Variants in CDH23 observed in about 807,000 individuals in gnomAD.
CDH23 encodes the protein cadherin related 23, also known as cadherin-23.
A neutral mutation model predicts 317.1 loss-of-function variants in CDH23; 189 were observed. The ratio of observed to expected loss-of-function variants is 0.60; its 90% CI spans 0.53 to 0.67. The LOEUF is 0.67. CDH23 is among the 30% of genes least tolerant of loss of function. The probability of loss-of-function intolerance (pLI) is 0.00; values close to 1 mark genes in which losing one functional copy is unlikely to be tolerated. For missense variants in CDH23, 4,401 were observed against 4,592.4 expected (o/e 0.96, Z 1.20); for synonymous variants, 1,839 against 1,876.8 (o/e 0.98, Z 0.52).
intron 55 of CDH23, among the ~76,000 whole-genome samples, chr10:71,805,124 G>A (rs1300169173): frequency 2.6e-5 from 4 of 152,142 alleles, no homozygotes; most frequent in African/African-American, 9.7e-5. Context: ...GCAAAGAAAC[G>A]TGCCCTTTCT....
intron 14 of CDH23, among the ~76,000 whole-genome samples, chr10:71,658,198 T>C (rs1280411169): frequency 6.6e-6 from 1 of 152,128 alleles, no homozygotes; most frequent in African/African-American, 2.4e-5. Context: ...TCTAAATATC[T>C]GTCTTTGAAA....
At chr10:71,798,828 T>G (rs1433358651) in intron 50 of CDH23, among the ~76,000 whole-genome samples, 1 of 152,024 alleles carries the variant, frequency 6.6e-6, no homozygotes, top group African/African-American at 2.4e-5. Flanking sequence ...CTCCTACTAT[T>G]AGTACCACCG....
rs901261092 is a variant in CDH23 at position 71,728,608 on chromosome 10, C to G, written c.3580-1861C>G. 8.5e-5 allele frequency among the ~76,000 whole-genome samples: 13 copies of G among 152,218 alleles called. No individual in the cohort carries two copies. In the East Asian group the frequency reaches 2.5e-3, roughly 29 times the overall value. On this transcript the variant is annotated intron_variant, in intron 30 of 69. Transcript: ENST00000224721. ...CTGCTGCACATGCAGAGGCCCCTCC[C>G]TTAGTGCTGGTCACCACATGCAAAG...
intron 34 of CDH23, chr10:71,737,774 C>T (rs972008118): frequency 1.7e-5 from 8 of 469,618 alleles, no homozygotes; most frequent in Admixed American, 9.4e-5. Context: ...GGACTGGAGG[C>T]CTCACCCGCG....
intron 9 of CDH23, among the ~76,000 whole-genome samples, chr10:71,613,407 C>G (rs1432361045): frequency 6.6e-6 from 1 of 152,204 alleles, no homozygotes; most frequent in African/African-American, 2.4e-5. Context: ...CAGTGACACC[C>G]CCTCCTGGGC....
intron 9 of CDH23, among the ~76,000 whole-genome samples, chr10:71,593,755 A>AC (rs1277064844): frequency 6.6e-6 from 1 of 152,092 alleles, no homozygotes; most frequent in African/African-American, 2.4e-5. Flanking sequence ...ACCTCTTCAC[A>AC]CCCCACATTG....
chr10:71,618,460 T>A (rs1372372430), intron 11 of CDH23, among the ~76,000 whole-genome samples: 1 of 152,132 alleles, frequency 6.6e-6, no homozygotes, highest in Non-Finnish European at 1.5e-5. Context: ...CACCCCTCCT[T>A]GCACCCCATC....
intron 3 of CDH23, among the ~76,000 whole-genome samples, chr10:71,474,212 C>T (rs748812806): frequency 6.6e-6 from 1 of 152,174 alleles, no homozygotes; most frequent in South Asian, 2.1e-4. Context: ...GCCTTCACCT[C>T]CAGGGAGCCC....
intron 38 of CDH23, among the ~76,000 whole-genome samples, chr10:71,771,536 C>T (rs1284421923): frequency 1.3e-5 from 2 of 152,222 alleles, no homozygotes; most frequent in East Asian, 1.9e-4. Context: ...TCCCTCAGTG[C>T]ACACTGTCCT....
intron 16 of CDH23, among the ~76,000 whole-genome samples, chr10:71,678,026 TC>T (rs1323251347): frequency 6.6e-6 from 1 of 152,172 alleles, no homozygotes; most frequent in Non-Finnish European, 1.5e-5. Context: ...AGAGTCAAAT[TC>T]TTGGTCTGTG....
At position 71,806,006 on chromosome 10, in the gene CDH23, G is replaced by A. The variant is rs752695626; in HGVS notation, c.8064+9G>A. 18 of 1,601,810 alleles carry A rather than the reference G, an allele frequency of 1.1e-5. 1 individual carries two copies. The South Asian group carries it at 1.8e-4, about 16-fold the overall frequency. On this transcript the variant is annotated intron_variant, in intron 56 of 69. Coordinates refer to ENST00000224721, the MANE Select transcript of CDH23 (RefSeq NM_022124.6). Reference sequence around the variant, plus strand: ...CGCAGGCGGTGTACAGCGTAAGGGCGGGGCCCGGTGCGAGGGGCGGGGTCT... The same window carrying A: ...CGCAGGCGGTGTACAGCGTAAGGGCAGGGCCCGGTGCGAGGGGCGGGGTCT...
chr10:71,718,990 A>G (rs947517978), intron 28 of CDH23, among the ~76,000 whole-genome samples: 1 of 152,128 alleles, frequency 6.6e-6, no homozygotes, highest in African/African-American at 2.4e-5. Context: ...AGGCAGAAGG[A>G]TCATTTGAGC....
At chr10:71,427,233 GAA>G (rs367846034) in intron 1 of CDH23, among the ~76,000 whole-genome samples, 2 of 72,398 alleles carry the variant, frequency 2.8e-5, no homozygotes, top group Non-Finnish European at 6.0e-5. Flanking sequence ...AAGAAAGAAA[GAA>G]AGAAAGAAAG....
At chr10:71,744,995 C>T (rs556490785) in intron 38 of CDH23, among the ~76,000 whole-genome samples, 1 of 152,356 alleles carries the variant, frequency 6.6e-6, no homozygotes, top group South Asian at 2.1e-4. Flanking sequence ...CAGGGGACAC[C>T]TCAGTGAAGA....
chr10:71,808,756 T>C (rs1421021793), intron 60 of CDH23, among the ~76,000 whole-genome samples: 2 of 152,272 alleles, frequency 1.3e-5, no homozygotes, highest in South Asian at 2.1e-4. Context: ...CCTCTTTCTG[T>C]TCCACAGTCA....
At chr10:71,436,124 T>C (rs1433776108) in intron 1 of CDH23, among the ~76,000 whole-genome samples, 1 of 152,242 alleles carries the variant, frequency 6.6e-6, no homozygotes. Flanking sequence ...GTGGGGAGGA[T>C]GGAGGCAGAG....
At chr10:71,484,435 C>T (rs1043857461) in intron 3 of CDH23, among the ~76,000 whole-genome samples, 3 of 152,176 alleles carry the variant, frequency 2.0e-5, no homozygotes, top group Non-Finnish European at 4.4e-5. Context: ...CGCAGGATCA[C>T]CTTTTTCCAG....
chr10:71,706,612 G>T (rs533405858), intron 25 of CDH23, among the ~76,000 whole-genome samples: 2 of 152,318 alleles, frequency 1.3e-5, no homozygotes, highest in Admixed American at 1.3e-4. Context: ...CTGGAGAGAG[G>T]TTCTAAGGTT....
intron 3 of CDH23, among the ~76,000 whole-genome samples, chr10:71,462,357 G>A (rs1057133603): frequency 6.6e-6 from 1 of 152,168 alleles, no homozygotes; most frequent in South Asian, 2.1e-4. Context: ...CTCTTCAGGC[G>A]CCCCACCGCC....
Sources: allele counts gnomAD v4.1 joint callset (sites outside exome capture counted in the v4.1 genomes callset), GRCh38; gene constraint gnomAD v4.1.1; transcripts MANE v1.5; gene names NCBI Gene and HGNC (gene_info 2026-07-23, HGNC 2026-07-21).